The following FAM13A variants were observed in gnomAD, a reference collection of about 807,000 sequenced individuals.
FAM13A encodes family with sequence similarity 13 member A, also known as protein FAM13A.
In FAM13A, 76 loss-of-function variants were observed where a neutral mutation model predicts 129.6. The observed-to-expected ratio is 0.59, with a 90% CI of 0.49 to 0.71. The LOEUF is 0.71. FAM13A is among the 30% of genes least tolerant of loss of function. The pLI, the probability that FAM13A is intolerant of heterozygous loss-of-function variation, is 0.00. For missense variants in FAM13A, 1,108 were observed against 1,249.3 expected (o/e 0.89, Z 1.70); for synonymous variants, 443 against 449.9 (o/e 0.98, Z 0.20).
chr4:88,932,376 T>C (rs1346953151), intron 5 of FAM13A, among the ~76,000 whole-genome samples: 1 of 152,232 alleles, frequency 6.6e-6, no homozygotes, highest in Non-Finnish European at 1.5e-5. Context: ...ATGTCTAGCA[T>C]AAAGCCCTAT....
intron 5 of FAM13A, among the ~76,000 whole-genome samples, chr4:88,908,181 T>TA (rs1748471954): frequency 6.6e-6 from 1 of 152,206 alleles, no homozygotes; most frequent in Non-Finnish European, 1.5e-5. Context: ...TCCCACTAGT[T>TA]ACAGCACCTG....
intron 4 of FAM13A, among the ~76,000 whole-genome samples, chr4:88,974,940 A>G (rs1760699996): frequency 6.6e-6 from 1 of 152,186 alleles, no homozygotes; most frequent in Non-Finnish European, 1.5e-5. Flanking sequence ...GTAATTCAGT[A>G]ATTACATAAG....
chr4:89,056,107 C>T (rs2704597), intron 1 of FAM13A, among the ~76,000 whole-genome samples: 37,626 of 152,002 alleles, frequency 0.25, 4,749 homozygotes, highest in Non-Finnish European at 0.28. Flanking sequence ...TTAATACATT[C>T]TAGAAAATAA....
intron 3 of FAM13A, among the ~76,000 whole-genome samples, chr4:89,003,644 T>A (rs969958298): frequency 4.6e-5 from 7 of 150,792 alleles, no homozygotes; most frequent in Non-Finnish European, 7.4e-5. Context: ...AAGAAAAAAA[T>A]ATATATACAT....
intron 10 of FAM13A, among the ~76,000 whole-genome samples, chr4:88,783,604 G>C (rs1723391802): frequency 6.6e-6 from 1 of 152,156 alleles, no homozygotes; most frequent in South Asian, 2.1e-4. Flanking sequence ...CCTTTAAATG[G>C]AGGATCTTTA....
intron 3 of FAM13A, among the ~76,000 whole-genome samples, chr4:89,002,785 C>T (rs756674627): frequency 5.3e-5 from 8 of 151,972 alleles, no homozygotes; most frequent in African/African-American, 1.5e-4. Context: ...TTAAGTACAA[C>T]GTAACAACAA....
intron 3 of FAM13A, among the ~76,000 whole-genome samples, chr4:89,019,719 CCACTG>C (rs1447058708): frequency 6.8e-6 from 1 of 146,474 alleles, no homozygotes; most frequent in African/African-American, 2.5e-5. Context: ...CAAGATTGTG[CCACTG>C]CACTCCAGCC....
chr4:89,015,524 A>G (rs916951389), intron 3 of FAM13A, among the ~76,000 whole-genome samples: 9 of 152,224 alleles, frequency 5.9e-5, no homozygotes, highest in African/African-American at 2.2e-4. Flanking sequence ...CTCATGTTGA[A>G]TTATCGGGGG....
chr4:88,889,566 T>C (rs548597034), intron 6 of FAM13A, among the ~76,000 whole-genome samples: 1 of 152,306 alleles, frequency 6.6e-6, no homozygotes, highest in Admixed American at 6.5e-5. Flanking sequence ...TCCTATTTCA[T>C]TCCCTCTTCC....
chr4:89,051,304 G>A (rs988017528), intron 1 of FAM13A, among the ~76,000 whole-genome samples: 7 of 152,092 alleles, frequency 4.6e-5, no homozygotes, highest in Non-Finnish European at 7.4e-5. Flanking sequence ...ATGGCAGAGG[G>A]GTCAAATAAT....
intron 2 of FAM13A, among the ~76,000 whole-genome samples, chr4:89,022,002 G>A (rs1767331211): frequency 6.6e-6 from 1 of 152,114 alleles, no homozygotes; most frequent in Non-Finnish European, 1.5e-5. Flanking sequence ...GGCAGTAGAG[G>A]ACTTTGAAAG....
chr4:88,894,902 A>T (rs1400649273), intron 6 of FAM13A, among the ~76,000 whole-genome samples: 1 of 152,252 alleles, frequency 6.6e-6, no homozygotes, highest in Middle Eastern at 3.2e-3. Context: ...TTTAATTCTA[A>T]AGCTACTTAT....
chr4:88,747,508 C>T (rs747129089), intron 18 of FAM13A, 123 bp downstream of exon 18: 18 of 795,876 alleles, frequency 2.3e-5, no homozygotes, highest in Admixed American at 8.7e-5. Flanking sequence ...TCCCTAGACA[C>T]GTAACAGCCT....
At chr4:88,830,189 G>A (rs1190174074) in intron 7 of FAM13A, among the ~76,000 whole-genome samples, 1 of 152,148 alleles carries the variant, frequency 6.6e-6, no homozygotes, top group Non-Finnish European at 1.5e-5. Flanking sequence ...AGAGGAAGGT[G>A]CAAAGAAAAA....
intron 21 of FAM13A, 96 bp from the exon 22 acceptor site, chr4:88,732,294 C>A (rs1357097278): frequency 1.2e-6 from 1 of 850,450 alleles, no homozygotes; most frequent in East Asian, 2.5e-5. Flanking sequence ...TTATCAGACT[C>A]CATATAGTTT....
In FAM13A at chr4:88,763,446, C is replaced by T. The variant is rs377048523; in HGVS notation, c.1578+4107G>A. 3.3e-5 allele frequency among the ~76,000 whole-genome samples: 5 copies of T among 152,268 alleles called. No homozygotes were observed. In the South Asian group the frequency reaches 1.0e-3, roughly 32 times the overall value. On this transcript the variant is annotated intron_variant, in intron 13 of 23. Coordinates refer to ENST00000264344, the MANE Select transcript of FAM13A (RefSeq NM_014883.4). Reference sequence around the variant, plus strand: ...AGTATCACGTGTGTTATAAAAGAAACGTAGGATGCCAGGGGGCAAATATGA... The same window carrying T: ...AGTATCACGTGTGTTATAAAAGAAATGTAGGATGCCAGGGGGCAAATATGA...
At chr4:88,868,337 C>T (rs146898462) in intron 6 of FAM13A, among the ~76,000 whole-genome samples, 59 of 152,308 alleles carry the variant, frequency 3.9e-4, no homozygotes, top group Middle Eastern at 6.8e-3. Flanking sequence ...GATGAAGGCA[C>T]GAACCATCCA....
intron 8 of FAM13A, among the ~76,000 whole-genome samples, chr4:88,799,783 C>T (rs1332803283): frequency 3.3e-5 from 5 of 151,858 alleles, no homozygotes; most frequent in Non-Finnish European, 7.4e-5. Flanking sequence ...GTGCCTGGCC[C>T]CAACAATTCC....
At chr4:88,978,655 G>A (rs998623503) in intron 4 of FAM13A, among the ~76,000 whole-genome samples, 4 of 152,104 alleles carry the variant, frequency 2.6e-5, no homozygotes, top group Non-Finnish European at 4.4e-5. Context: ...TTAGCTGGGC[G>A]TGGTGGTGGG....
Sources: gnomAD v4.1 joint callset for allele counts (sites outside exome capture counted in the v4.1 genomes callset) on GRCh38, gnomAD v4.1.1 for gene constraint, MANE v1.5 for transcripts, NCBI Gene and HGNC (gene_info 2026-07-23, HGNC 2026-07-21) for gene names.